Variants in FRMD4A observed in about 807,000 individuals in gnomAD.
FRMD4A encodes FERM domain containing 4A.
FRMD4A carries 29 observed loss-of-function variants against 129.1 expected under a neutral mutation model. That is an observed-to-expected ratio of 0.22 (90% CI 0.17 to 0.31). The LOEUF (loss-of-function observed/expected upper bound fraction) is 0.31, where lower values mean the gene tolerates loss of function less well. Ranked by LOEUF, FRMD4A falls within the 10% of genes least tolerant of loss-of-function variation. The pLI is 1.00. For missense variants in FRMD4A, 1,272 were observed against 1,375.8 expected, an observed-to-expected ratio of 0.92 and a Z score of 1.19; for synonymous variants, 634 against 571.6, an observed-to-expected ratio of 1.11 and a Z score of -1.56.
chr10:14,053,198 G>A (rs1565214387), intron 2 of FRMD4A, among the ~76,000 whole-genome samples: 3 of 152,184 alleles, frequency 2.0e-5, no homozygotes, highest in African/African-American at 4.8e-5. Context: ...GTTAATAACT[G>A]TGAGGAAAAG....
chr10:14,265,035 G>T (rs1240562206), intron 2 of FRMD4A, among the ~76,000 whole-genome samples: 1 of 152,170 alleles, frequency 6.6e-6, no homozygotes, highest in Non-Finnish European at 1.5e-5. Flanking sequence ...GCAAGCCTCG[G>T]CCTCCCAAAG....
At chr10:13,933,201 A>G (rs2095217477) in intron 2 of FRMD4A, among the ~76,000 whole-genome samples, 1 of 152,098 alleles carries the variant, frequency 6.6e-6, no homozygotes, top group Non-Finnish European at 1.5e-5. Flanking sequence ...TAGGGTCTGG[A>G]GGCAGGGAAC....
intron 2 of FRMD4A, among the ~76,000 whole-genome samples, chr10:13,898,431 TGAGA>T (rs1316571780): frequency 1.3e-5 from 2 of 152,106 alleles, no homozygotes; most frequent in African/African-American, 4.8e-5. Context: ...CAAGGTGGCC[TGAGA>T]GAGAGGGAAG....
At chr10:13,879,675 CCTT>C (rs869032544) in intron 2 of FRMD4A, among the ~76,000 whole-genome samples, 2 of 93,866 alleles carry the variant, frequency 2.1e-5, no homozygotes, top group African/African-American at 7.1e-5. Flanking sequence ...TCTTCCTCCT[CCTT>C]CTTCTTTCTC....
intron 2 of FRMD4A, among the ~76,000 whole-genome samples, chr10:14,049,849 C>T (rs1232912403): frequency 6.6e-6 from 1 of 152,122 alleles, no homozygotes; most frequent in African/African-American, 2.4e-5. Context: ...AGTGAGACTC[C>T]ATCTCAAATA....
chr10:13,765,108 T>G (rs868853263), intron 6 of FRMD4A, among the ~76,000 whole-genome samples: 103 of 143,472 alleles, frequency 7.2e-4, no homozygotes, highest in African/African-American at 2.1e-3. Context: ...TTGATTTTTT[T>G]TTTTTGTTTT....
chr10:13,791,794 G>A (rs1345512728), intron 5 of FRMD4A, among the ~76,000 whole-genome samples: 1 of 152,192 alleles, frequency 6.6e-6, no homozygotes, highest in Non-Finnish European at 1.5e-5. Flanking sequence ...GGATGATGGT[G>A]GATTTGGGCT....
In FRMD4A at chr10:13,904,992, C is replaced by CAAAGAAAAAAAAAAAAAAAAAAAAAAAA. The variant is rs551011444; in HGVS notation, c.46-46081_46-46080insTTTTTTTTTTTTTTTTTTTTTTTTCTTT. 1.8e-5 allele frequency among the ~76,000 whole-genome samples: 2 copies of CAAAGAAAAAAAAAAAAAAAAAAAAAAAA among 109,436 alleles called. 1 individual carries two copies. 71.8% of individuals were successfully genotyped at this position (109,436 alleles called of 152,430 possible). On this transcript the variant is annotated intron_variant, in intron 2 of 24. Transcript: ENST00000357447. ...TGGGCGACAGAGTGAGACTCTATCTCAAAAAAAAAAAAAAAAAAGAAAAGA... is the reference window on the plus strand; with the variant it reads ...TGGGCGACAGAGTGAGACTCTATCTCAAAGAAAAAAAAAAAAAAAAAAAAAAAAAAAAAAAAAAAAAAAAAAGAAAAGA...
chr10:13,833,528 A>G (rs757930221), intron 3 of FRMD4A, among the ~76,000 whole-genome samples: 1 of 152,132 alleles, frequency 6.6e-6, no homozygotes, highest in Non-Finnish European at 1.5e-5. Context: ...AACTCCTGAC[A>G]TTCATGGGGC....
At chr10:14,220,620 CT>C (rs1843217325) in intron 2 of FRMD4A, among the ~76,000 whole-genome samples, 2 of 152,334 alleles carry the variant, frequency 1.3e-5, no homozygotes, top group South Asian at 4.2e-4. Flanking sequence ...TGAAAGCTTT[CT>C]GATTCTGCAG....
intron 2 of FRMD4A, among the ~76,000 whole-genome samples, chr10:14,263,975 C>T (rs906546839): frequency 2.0e-5 from 3 of 152,156 alleles, no homozygotes; most frequent in Non-Finnish European, 4.4e-5. Context: ...CTCCAGTGAG[C>T]GAGCATTGCA....
Position 14,051,717 on chromosome 10 carries a change from G to A in FRMD4A, c.46-192805C>T, listed in dbSNP as rs115159459. On this transcript the variant is annotated intron_variant, in intron 2 of 24. Transcript: ENST00000357447. Reference sequence around the variant, plus strand: ...TGAGACTGCAGTTCTAGTGTCCCGTGGGCAGCCTAGTCTGGCACAGAGCAC... The same window carrying A: ...TGAGACTGCAGTTCTAGTGTCCCGTAGGCAGCCTAGTCTGGCACAGAGCAC... Among the ~76,000 whole-genome samples, 551 of 152,302 alleles carry A rather than the reference G, an allele frequency of 3.6e-3. 4 individuals are homozygous for A. Among genetic ancestry groups the A allele is most frequent in the African/African-American group, 0.013 (529 of 41,566 alleles).
intron 2 of FRMD4A, among the ~76,000 whole-genome samples, chr10:14,195,185 G>C (rs1842436994): frequency 6.6e-6 from 1 of 152,096 alleles, no homozygotes; most frequent in Admixed American, 6.6e-5. Flanking sequence ...TTTTATGTAG[G>C]CTAGATGTCC....
intron 2 of FRMD4A, among the ~76,000 whole-genome samples, chr10:14,081,021 C>T (rs941600125): frequency 2.6e-5 from 4 of 152,074 alleles, no homozygotes; most frequent in East Asian, 1.9e-4. Context: ...CAGCTCTTTA[C>T]TGCTTTTATA....
chr10:14,166,685 A>C (rs1841195677), intron 2 of FRMD4A, among the ~76,000 whole-genome samples: 1 of 152,100 alleles, frequency 6.6e-6, no homozygotes, highest in African/African-American at 2.4e-5. Flanking sequence ...ATTATTACTC[A>C]CCCAAAGAAC....
intron 12 of FRMD4A, among the ~76,000 whole-genome samples, chr10:13,714,942 G>A (rs967743107): frequency 3.9e-5 from 6 of 152,096 alleles, no homozygotes; most frequent in Non-Finnish European, 7.4e-5. Context: ...GGGAGGCTGA[G>A]GCAAGAGAAT....
At chr10:13,700,101 CTCTTT>C (rs1322669098) in intron 14 of FRMD4A, among the ~76,000 whole-genome samples, 7 of 151,774 alleles carry the variant, frequency 4.6e-5, no homozygotes, top group South Asian at 2.1e-4. Flanking sequence ...TCGTCCTGTC[CTCTTT>C]TCTTCTTTTT....
At position 13,701,400 on chromosome 10, in the gene FRMD4A, C is replaced by T; in HGVS notation, c.915G>A (p.Lys305=). 1 of 1,614,078 alleles carries T rather than the reference C, an allele frequency of 6.2e-7. No individual in the cohort carries two copies. Among genetic ancestry groups the T allele is most frequent in the Non-Finnish European group, 8.5e-7 (1 of 1,179,904 alleles). Residue 305 remains lysine (K), a synonymous_variant, in exon 14 of 25, where the codon AAG becomes AAA. Transcript: ENST00000357447. The part of the protein sequence containing the change: ...HTWYACPALI[K]SIWAMAISQH... ...GGCTTATGGCCATAGCCCAGATGGACTTGATCAATGCCGGACATGCATACC... is the reference window on the plus strand; with the variant it reads ...GGCTTATGGCCATAGCCCAGATGGATTTGATCAATGCCGGACATGCATACC...
intron 2 of FRMD4A, among the ~76,000 whole-genome samples, chr10:14,318,675 T>C (rs1010159759): frequency 4.6e-5 from 7 of 151,756 alleles, no homozygotes; most frequent in African/African-American, 1.7e-4. Flanking sequence ...TCAATATTTA[T>C]ACAATGTTTC....
Sources: allele counts gnomAD v4.1 joint callset (sites outside exome capture counted in the v4.1 genomes callset), GRCh38; gene constraint gnomAD v4.1.1; transcripts MANE v1.5; gene names NCBI Gene and HGNC (gene_info 2026-07-23, HGNC 2026-07-21).